The following GYS1 variants were observed in gnomAD, a reference collection of about 807,000 sequenced individuals.
GYS1 encodes glycogen [starch] synthase, muscle.
In GYS1, 60 loss-of-function variants were observed where a neutral mutation model predicts 89.1. The ratio of observed to expected loss-of-function variants is 0.67; its 90% CI spans 0.55 to 0.84. The LOEUF (loss-of-function observed/expected upper bound fraction) is 0.84. Ranked by LOEUF, GYS1 falls within the 40% of genes least tolerant of loss-of-function variation. The pLI, the probability that GYS1 is intolerant of heterozygous loss-of-function variation, is 0.00. For synonymous variants in GYS1, 366 were observed against 401.7 expected (o/e 0.91, Z 1.06); for missense variants, 888 against 1,003.1 (o/e 0.89, Z 1.55).
intron 9 of GYS1, 24 bp from the exon 10 acceptor site, chr19:48,978,026 A>G (rs2038687298): frequency 6.2e-7 from 1 of 1,611,810 alleles, no homozygotes; most frequent in Non-Finnish European, 8.5e-7. Flanking sequence ...AGGGGCATGC[A>G]TGTGAGAACG....
chr19:48,970,764 T>G, intron 13 of GYS1, 55 bp from the exon 14 acceptor site: 1 of 1,567,352 alleles, frequency 6.4e-7, no homozygotes, highest in Non-Finnish European at 8.8e-7. Flanking sequence ...CTTCATGGTC[T>G]CCAGGACTCT....
Position 48,970,930 on chromosome 19 carries a change from T to TA in GYS1, c.1642dup (p.Tyr548LeufsTer7). On this transcript the variant is annotated frameshift_variant, in exon 13 of 16. Coordinates refer to ENST00000323798, the MANE Select transcript of GYS1 (RefSeq NM_002103.5). LOFTEE classifies it high-confidence loss of function. The stretch of plus-strand genomic sequence containing the variant: ...TCCTCAGGGGCCTGGGCGCTGACCG[T>TA]AAGCTGAGGGGTCTGCGATGTGTTC... 6.2e-7 allele frequency: 1 copy of TA among 1,610,694 alleles called. No homozygotes were observed. The highest frequency in any genetic ancestry group is 8.5e-7 in the Non-Finnish European group (1 of 1,176,914).
At chr19:48,987,796 C>A (rs1023460235) in intron 2 of GYS1, among the ~76,000 whole-genome samples, 1 of 151,338 alleles carries the variant, frequency 6.6e-6, no homozygotes, top group Admixed American at 6.6e-5. Context: ...GCTCCCACAC[C>A]TGGCTAATTT....
chr19:48,970,548 G>A lies in GYS1; in HGVS notation c.1807C>T (p.Arg603Trp), dbSNP rs1438432760. The change falls in exon 14 of 16, where the codon CGG becomes TGG. Residue 603 changes from arginine (R) to tryptophan (W), a missense_variant and splice_region_variant. Transcript: ENST00000323798. ...GGATAGGAAAGTGGGGGTCCTACCC[G>A]GCCTAGGTATTTCCAGTCCAGAAGG... is the stretch of plus-strand genomic sequence containing the variant. ...SDLLDWKYLGRYYMSARHMAL... is the reference protein window; with the variant it reads ...SDLLDWKYLGWYYMSARHMAL... 6.2e-7 allele frequency: 1 copy of A among 1,613,212 alleles called. No individual in the cohort carries two copies. Among genetic ancestry groups the A allele is most frequent in the East Asian group, 2.2e-5 (1 of 44,880 alleles).
At position 48,970,617 on chromosome 19, in the gene GYS1, GC is replaced by G; in HGVS notation, c.1737del (p.Arg580GlyfsTer22). 1 of 1,613,846 alleles carries G rather than the reference GC, an allele frequency of 6.2e-7. No homozygotes were observed. The highest frequency in any genetic ancestry group is 8.5e-7 in the Non-Finnish European group (1 of 1,179,872). ...CGGTTCCGCTGGATGATACGCTGCC[GC>G]CGGCTCTGCTGACAGAAACTGTAGA... Reference protein sequence around the residue: ...SFLYSFCQQSRRQRIIQRNRT... With the variant: ...SFLYSFCQQSXRQRIIQRNRT... On this transcript the variant is annotated frameshift_variant, in exon 14 of 16. Transcript: ENST00000323798. LOFTEE classifies it high-confidence loss of function.
intron 11 of GYS1, 101 bp from the exon 12 acceptor site, chr19:48,974,440 A>C (rs2038613545): frequency 7.4e-7 from 1 of 1,356,734 alleles, no homozygotes; most frequent in African/African-American, 1.4e-5. Context: ...CTAGCATCAC[A>C]CAGCATGTGT....
At chr19:48,975,080 A>G (rs1018159669) in intron 10 of GYS1, among the ~76,000 whole-genome samples, 6 of 151,924 alleles carry the variant, frequency 3.9e-5, no homozygotes, top group African/African-American at 1.2e-4. Context: ...ACAGGCGCCT[A>G]CCACCACGCC....
In GYS1 at chr19:48,991,152, G is replaced by T; in HGVS notation, c.300+150C>A. The T allele has an allele frequency of 1.3e-6, 1 of 796,412 alleles. No homozygotes were observed. The highest frequency in any genetic ancestry group is 2.1e-6 in the Non-Finnish European group (1 of 474,836). 49.3% of individuals were successfully genotyped at this position (796,412 alleles called of 1,614,324 possible). A position where few individuals can be genotyped will look rare whatever the true frequency, so the allele number is the denominator to read the frequency against. ...CCACCCACTTCCAGGCCCTGCATCT[G>T]TCTGGGTGTCCTATCACGCCTCCTT... On this transcript the variant is annotated intron_variant, in intron 2 of 15. Transcript: ENST00000323798. This position sits in a 1 kb window ranked among gnomAD's most constrained non-coding sequence, Gnocchi z 4.7.
intron 10 of GYS1, among the ~76,000 whole-genome samples, chr19:48,977,315 G>T (rs2038670534): frequency 6.6e-6 from 1 of 152,182 alleles, no homozygotes; most frequent in African/African-American, 2.4e-5. Context: ...CCTTTGGGCT[G>T]GGAACAGGGA....
intron 4 of GYS1, 120 bp downstream of exon 4, chr19:48,985,730 T>C (rs1317435564): frequency 6.7e-6 from 10 of 1,493,544 alleles, no homozygotes; most frequent in Admixed American, 1.7e-5. Context: ...GTAGGAGGGG[T>C]CTGGGGACTT....
rs995892998 is a variant in GYS1, at chr19:48,982,461, T to TG, written c.942-87dup. 382 of 1,514,990 alleles carry TG rather than the reference T, an allele frequency of 2.5e-4. 1 individual carries two copies. The highest frequency in any genetic ancestry group is 1.0e-3 in the Middle Eastern group (6 of 5,890). The allele number at this position is 1,514,990 out of a possible 1,614,324, so 93.8% of individuals were successfully genotyped here. ...AACTACAAATCCCAGAAGCTATGGG[T>TG]GGGGGGGCAGAGGATGTCTTAGGTA... On this transcript the variant is annotated intron_variant, in intron 6 of 15. Coordinates refer to ENST00000323798, the MANE Select transcript of GYS1 (RefSeq NM_002103.5).
At position 48,985,601 on chromosome 19, in the gene GYS1, T is replaced by C. The variant is rs761764430; in HGVS notation, c.683A>G (p.Asn228Ser). ...VDFYNNLENF[N>S]VDKEAGERQI... is the part of the protein sequence containing the mutation. ...CCTCTCCCCTGCTTCCTTGTCCACG[T>C]TGAACTGGGTGGGAGGGGACAGCAG... Residue 228 changes from asparagine (N) to serine (S), a missense_variant, in exon 5 of 16, where the codon AAC (asparagine) becomes AGC (serine). Coordinates refer to ENST00000323798, the MANE Select transcript of GYS1 (RefSeq NM_002103.5). 4 of 1,613,966 alleles carry C rather than the reference T, an allele frequency of 2.5e-6. No homozygotes were observed. Among genetic ancestry groups the C allele is most frequent in the East Asian group, 2.2e-5 (1 of 44,892 alleles).
At chr19:48,975,840 A>G (rs1026107120) in intron 10 of GYS1, among the ~76,000 whole-genome samples, 2 of 135,450 alleles carry the variant, frequency 1.5e-5, no homozygotes, top group Non-Finnish European at 3.1e-5. Context: ...TGAATCCGGG[A>G]GGCGGAGGTT....
rs1418840965 is a variant in GYS1 at position 48,969,760 on chromosome 19, C to G, written c.1890+15G>C. The G allele has an allele frequency of 1.2e-6, 2 of 1,612,494 alleles. No homozygotes were observed. Among genetic ancestry groups the G allele is most frequent in the Non-Finnish European group, 1.7e-6 (2 of 1,178,680 alleles). ...CTTTAGCTCCTGGCTAAGCAGAAAT[C>G]CAGGGTCCACTCACCGCATCCGCCT... is the stretch of plus-strand genomic sequence containing the variant. On this transcript the variant is annotated intron_variant, in intron 15 of 15. Coordinates refer to ENST00000323798, the MANE Select transcript of GYS1 (RefSeq NM_002103.5).
chr19:48,976,412 T>C (rs1389117534), intron 10 of GYS1, among the ~76,000 whole-genome samples: 1 of 152,014 alleles, frequency 6.6e-6, no homozygotes, highest in Non-Finnish European at 1.5e-5. Flanking sequence ...CTGGGAGTTG[T>C]AGTTTTTTGG....
rs567822026 is a variant in GYS1, at chr19:48,972,002, C to T, written c.1550-979G>A. Among the ~76,000 whole-genome samples the T allele has an allele frequency of 3.4e-5, 5 of 148,560 alleles. No homozygotes were observed. The East Asian group carries it at 8.0e-4, about 24-fold the overall frequency. On this transcript the variant is annotated intron_variant, in intron 12 of 15. Transcript: ENST00000323798. ...TCAGCCACCCAAGAGGCTGGGACTACGAGCACACAACACTACGCATGGCTA... is the reference window on the plus strand; with the variant it reads ...TCAGCCACCCAAGAGGCTGGGACTATGAGCACACAACACTACGCATGGCTA...
In GYS1 at chr19:48,969,818, G is replaced by C; in HGVS notation, c.1847C>G (p.Ala616Gly). 6.2e-7 allele frequency: 1 copy of C among 1,613,898 alleles called. No individual in the cohort carries two copies. The highest frequency in any genetic ancestry group is 8.5e-7 in the Non-Finnish European group (1 of 1,179,916). ...MSARHMALSK[A>G]FPEHFTYEPN... The stretch of plus-strand genomic sequence containing the variant: ...CTCGTAGGTGAAGTGCTCTGGAAAG[G>C]CCTTGGACAGCGCCATGTGGCGCGC... The change falls in exon 15 of 16, where the codon GCC (alanine) becomes GGC (glycine). Residue 616 changes from alanine to glycine, a missense_variant. By Grantham distance (60) the Ala-to-Gly change is moderately conservative. Transcript: ENST00000323798.
In GYS1 at chr19:48,970,631, C is replaced by T; in HGVS notation, c.1724G>A (p.Cys575Tyr). Residue 575 changes from cysteine (C) to tyrosine (Y), a missense_variant, in exon 14 of 16, where the codon TGT becomes TAT. Cys to Tyr is a radical substitution (Grantham distance 194). Coordinates refer to ENST00000323798, the MANE Select transcript of GYS1 (RefSeq NM_002103.5). ...GATACGCTGCCGCCGGCTCTGCTGACAGAAACTGTAGAGGAAGGAGGTGAG... is the reference window on the plus strand; with the variant it reads ...GATACGCTGCCGCCGGCTCTGCTGATAGAAACTGTAGAGGAAGGAGGTGAG... Reference protein sequence around the residue: ...SQLTSFLYSFCQQSRRQRIIQ... With the variant: ...SQLTSFLYSFYQQSRRQRIIQ... 6 of 1,614,050 alleles carry T rather than the reference C, an allele frequency of 3.7e-6. No individual in the cohort carries two copies. Among genetic ancestry groups the T allele is most frequent in the Non-Finnish European group, 5.1e-6 (6 of 1,179,988 alleles).
At chr19:48,980,362 G>A (rs2038740198) in intron 8 of GYS1, among the ~76,000 whole-genome samples, 1 of 152,136 alleles carries the variant, frequency 6.6e-6, no homozygotes, top group South Asian at 2.1e-4. Context: ...CAAGCTCCAT[G>A]AGGAAAGGGA....
Sources: gnomAD v4.1 joint callset for allele counts (sites outside exome capture counted in the v4.1 genomes callset) on GRCh38, gnomAD v4.1.1 for gene constraint, Gnocchi (gnomAD v3.1) non-coding constraint, MANE v1.5 for transcripts, NCBI Gene and HGNC (gene_info 2026-07-23, HGNC 2026-07-21) for gene names.